The following TRAPPC9 variants were observed in gnomAD, a reference collection of about 807,000 sequenced individuals.
TRAPPC9 encodes the protein trafficking protein particle complex subunit 9.
TRAPPC9 carries 83 observed loss-of-function variants against 124.0 expected under a neutral mutation model. The ratio of observed to expected loss-of-function variants is 0.67; its 90% CI spans 0.56 to 0.80. TRAPPC9 has a LOEUF of 0.80. Among genes scored for constraint, TRAPPC9 ranks in the 30% least tolerant of loss-of-function variants. TRAPPC9 has a pLI of 0.00. For missense variants in TRAPPC9, 1,302 were observed against 1,508.3 expected, an observed-to-expected ratio of 0.86 and a Z score of 2.27; for synonymous variants, 638 against 617.5, an observed-to-expected ratio of 1.03 and a Z score of -0.49.
intron 19 of TRAPPC9, chr8:139,932,043 A>G: frequency 3.6e-6 from 1 of 275,028 alleles, no homozygotes; most frequent in Non-Finnish European, 7.2e-6. Context: ...GTCCAGCATT[A>G]CAAGAGCACC....
At chr8:140,258,856 C>T (rs1588028521) in intron 15 of TRAPPC9, among the ~76,000 whole-genome samples, 4 of 152,338 alleles carry the variant, frequency 2.6e-5, no homozygotes, top group Admixed American at 2.6e-4. Context: ...AATGGCCTAT[C>T]CCAGGGCTGC....
intron 21 of TRAPPC9, among the ~76,000 whole-genome samples, chr8:139,860,641 C>T (rs1477743537): frequency 6.6e-6 from 1 of 152,262 alleles, no homozygotes; most frequent in Non-Finnish European, 1.5e-5. Context: ...GCACTTCCCC[C>T]CAGCTCATCC....
At chr8:140,427,075 G>A (rs1032353619) in intron 4 of TRAPPC9, among the ~76,000 whole-genome samples, 10 of 147,796 alleles carry the variant, frequency 6.8e-5, no homozygotes, top group Non-Finnish European at 1.0e-4. Flanking sequence ...ACAGGCGTGC[G>A]CCACCACGAC....
chr8:139,731,269 C>G (rs1375094133), intron 22 of TRAPPC9, 41 bp from the exon 23 acceptor site: 3 of 1,607,196 alleles, frequency 1.9e-6, no homozygotes. Flanking sequence ...TGGTCAGCAG[C>G]AGGGGCCACC....
chr8:139,996,323 C>T (rs1045685403), intron 18 of TRAPPC9, among the ~76,000 whole-genome samples: 1 of 151,770 alleles, frequency 6.6e-6, no homozygotes, highest in Non-Finnish European at 1.5e-5. Context: ...ACTCAGAGAA[C>T]ATTCCACCCA....
At chr8:140,292,829 C>G (rs559811741) in intron 11 of TRAPPC9, among the ~76,000 whole-genome samples, 12 of 146,922 alleles carry the variant, frequency 8.2e-5, no homozygotes, top group Admixed American at 3.4e-4. Context: ...TCTAAAACAC[C>G]AAAAGCAATG....
chr8:140,072,976 T>G (rs1480185553), intron 17 of TRAPPC9, among the ~76,000 whole-genome samples: 2 of 152,166 alleles, frequency 1.3e-5, no homozygotes, highest in Non-Finnish European at 2.9e-5. Context: ...TCCTTAGAAT[T>G]AGGGAACCAT....
chr8:140,436,808 T>C (rs1286672081), intron 3 of TRAPPC9, among the ~76,000 whole-genome samples: 6 of 152,256 alleles, frequency 3.9e-5, no homozygotes, highest in Admixed American at 6.5e-5. Flanking sequence ...GACAATGCTC[T>C]TTCAAGAAAA....
intron 21 of TRAPPC9, among the ~76,000 whole-genome samples, chr8:139,807,205 T>C (rs1824127856): frequency 6.6e-6 from 1 of 152,166 alleles, no homozygotes; most frequent in African/African-American, 2.4e-5. Context: ...CCAGAAAGCA[T>C]AGCCAGCGGG....
At chr8:140,092,053 A>T (rs956859371) in intron 17 of TRAPPC9, among the ~76,000 whole-genome samples, 4 of 140,974 alleles carry the variant, frequency 2.8e-5, no homozygotes, top group African/African-American at 1.1e-4. Flanking sequence ...GGCCAGCTCC[A>T]CTTAGCCAAT....
chr8:140,350,256 T>A (rs1011757278), intron 9 of TRAPPC9, among the ~76,000 whole-genome samples: 1 of 152,172 alleles, frequency 6.6e-6, no homozygotes, highest in African/African-American at 2.4e-5. Flanking sequence ...GTCTCCTGTA[T>A]TCAGCGACGT....
In TRAPPC9 at chr8:140,440,972, C is replaced by T. The variant is rs926929642; in HGVS notation, c.585-1775G>A. On this transcript the variant is annotated intron_variant, in intron 2 of 22. Coordinates refer to ENST00000438773, the MANE Select transcript of TRAPPC9 (RefSeq NM_001160372.4). Reference sequence around the variant, plus strand: ...TTGATGTGTTTCTAGAACACTGTTACTTTTTTTTTTTTTTTTTTTTTTTGG... The same window carrying T: ...TTGATGTGTTTCTAGAACACTGTTATTTTTTTTTTTTTTTTTTTTTTTTGG... 1.5e-4 allele frequency among the ~76,000 whole-genome samples: 12 copies of T among 80,288 alleles called. No homozygotes were observed. The East Asian group carries it at 2.3e-3, about 16-fold the overall frequency. The allele number at this position is 80,288 out of a possible 152,430, so 52.7% of individuals were successfully genotyped here.
At chr8:140,006,759 G>A (rs190829025) in intron 18 of TRAPPC9, among the ~76,000 whole-genome samples, 4 of 152,276 alleles carry the variant, frequency 2.6e-5, no homozygotes, top group Non-Finnish European at 5.9e-5. Flanking sequence ...GAAATATCTA[G>A]AGTAAGCAAA....
rs116722994 is a variant in TRAPPC9, at chr8:140,036,812, C to T, written c.2557-12733G>A. On this transcript the variant is annotated intron_variant, in intron 17 of 22. Coordinates refer to ENST00000438773, the MANE Select transcript of TRAPPC9 (RefSeq NM_001160372.4). ...AGCTAAGATGCCGCGTGTGTGTTTA[C>T]GGAAAATCATCACGATCACATTATT... 6.6e-3 allele frequency among the ~76,000 whole-genome samples: 1,001 copies of T among 152,244 alleles called. 15 individuals are homozygous for T. The highest frequency in any genetic ancestry group is 0.023 in the African/African-American group (944 of 41,526).
At chr8:139,778,028 G>A (rs888829047) in intron 21 of TRAPPC9, among the ~76,000 whole-genome samples, 13 of 152,128 alleles carry the variant, frequency 8.5e-5, no homozygotes, top group Admixed American at 3.9e-4. Context: ...TATAGAGATC[G>A]GTGGGGGGTT....
At chr8:140,162,584 C>T (rs961128532) in intron 17 of TRAPPC9, among the ~76,000 whole-genome samples, 2 of 152,164 alleles carry the variant, frequency 1.3e-5, no homozygotes, top group African/African-American at 4.8e-5. Context: ...CAAAATAATT[C>T]AGTTGAGGGG....
intron 17 of TRAPPC9, among the ~76,000 whole-genome samples, chr8:140,169,903 A>T (rs2061932559): frequency 6.6e-6 from 1 of 151,938 alleles, no homozygotes; most frequent in Non-Finnish European, 1.5e-5. Flanking sequence ...ATGCTCAGCT[A>T]GTTTCTGCAT....
intron 17 of TRAPPC9, among the ~76,000 whole-genome samples, chr8:140,139,364 C>T (rs770787110): frequency 8.5e-5 from 13 of 152,194 alleles, no homozygotes; most frequent in South Asian, 6.2e-4. Flanking sequence ...CTTGACTACA[C>T]GGTGCTCACA....
At chr8:140,018,301 G>A (rs562980340) in intron 18 of TRAPPC9, among the ~76,000 whole-genome samples, 47 of 140,980 alleles carry the variant, frequency 3.3e-4, no homozygotes, top group Non-Finnish European at 6.3e-4. Context: ...ATTGTTAGTT[G>A]CTGGTATATA....
Sources: allele counts gnomAD v4.1 joint callset (sites outside exome capture counted in the v4.1 genomes callset), GRCh38; gene constraint gnomAD v4.1.1; transcripts MANE v1.5; gene names NCBI Gene and HGNC (gene_info 2026-07-23, HGNC 2026-07-21).